TCF20: variants seen among roughly 807,000 people sequenced by gnomAD.
TCF20 encodes transcription factor 20.
TCF20 carries 3 observed loss-of-function variants against 148.6 expected under a neutral mutation model. That is an observed-to-expected ratio of 0.02 (90% confidence interval 0.01 to 0.05). The LOEUF (loss-of-function observed/expected upper bound fraction) is 0.05. TCF20 is among the 10% of genes least tolerant of loss of function. The pLI is 1.00. For synonymous variants in TCF20, 1,049 were observed against 909.5 expected (o/e 1.15, Z -2.76); for missense variants, 2,350 against 2,429.3 (o/e 0.97, Z 0.69).
chr22:42,343,519 CCGGGCAGCGGGGCCGGGCTCCGGAGCG>C (rs973276810), exon 1 of TCF20: 18 of 147,894 alleles, frequency 1.2e-4, no homozygotes, highest in African/African-American at 3.7e-4. Flanking sequence ...GCAGGAGAGC[CCGGGCAGCGGGGCCGGGCTCCGGAGCG>C]CGGGGCGCGG....
rs146680322 is a variant in TCF20, at chr22:42,213,378, C to A, written c.1928G>T (p.Gly643Val). 41 of 1,614,040 alleles carry A rather than the reference C, an allele frequency of 2.5e-5. No homozygotes were observed. The highest frequency in any genetic ancestry group is 3.3e-5 in the Non-Finnish European group (39 of 1,180,034). The change falls in exon 2 of 6, where the codon GGG becomes GTG. Residue 643 changes from glycine (G) to valine (V), a missense_variant. This residue lies in a region of TCF20 where 1,641 missense variants were observed against 1,662.6 expected (regional missense o/e 0.99). Transcript: ENST00000677622. ...TGATGCATGACTGGTTTCCTTTGCC[C>A]CACCATTGCTAGGTGGCCTTTGAGT... ...AATQRPPSNG[G>V]AKETSHASLP...
chr22:42,179,985 G>T (rs1004219232), intron 2 of TCF20, among the ~76,000 whole-genome samples: 1 of 152,084 alleles, frequency 6.6e-6, no homozygotes, highest in African/African-American at 2.4e-5. Context: ...GCCAGAGTGG[G>T]GTCCCCAGCC....
In TCF20 at chr22:42,323,903, A is replaced by ATGGAGGTTATGGTGGTGGT. The variant is rs1927790276; in HGVS notation, c.-37+19575_-37+19576insACCACCACCATAACCTCCA. On this transcript the variant is annotated intron_variant, in intron 1 of 1. Transcript: ENST00000515426. The stretch of plus-strand genomic sequence containing the variant: ...GTGGTGATGGAGGTTATGGTGGTGG[A>ATGGAGGTTATGGTGGTGGT]GGTGGTGGTGGTGATGGAGGTTATG... Among the ~76,000 whole-genome samples the ATGGAGGTTATGGTGGTGGT allele has an allele frequency of 2.7e-3, 45 of 16,864 alleles. 2 individuals carry two copies. The highest frequency in any genetic ancestry group is 8.1e-3 in the East Asian group (4 of 492). The allele number at this position is 16,864 out of a possible 152,430, so 11.1% of individuals were successfully genotyped here. A position where few individuals can be genotyped will look rare whatever the true frequency, so the allele number is the denominator to read the frequency against.
intron 1 of TCF20, among the ~76,000 whole-genome samples, chr22:42,229,907 T>G (rs1445018399): frequency 6.6e-6 from 1 of 152,222 alleles, no homozygotes; most frequent in African/African-American, 2.4e-5. Flanking sequence ...GAGCCATGTA[T>G]TGTTGAAGGC....
chr22:42,321,980 A>G (rs1927741402), intron 1 of TCF20, among the ~76,000 whole-genome samples: 1 of 151,546 alleles, frequency 6.6e-6, no homozygotes, highest in South Asian at 2.1e-4. Flanking sequence ...ATTAAAAAGT[A>G]GGGAGACTAA....
intron 5 of TCF20, 102 bp downstream of exon 5, chr22:42,168,507 A>T (rs1935923449): frequency 6.8e-7 from 1 of 1,470,524 alleles, no homozygotes; most frequent in Middle Eastern, 2.5e-4. Flanking sequence ...CATCCACAGG[A>T]TGAAATGCTG....
At chr22:42,313,601 T>C (rs113497969) in intron 1 of TCF20, among the ~76,000 whole-genome samples, 19 of 142,564 alleles carry the variant, frequency 1.3e-4, no homozygotes, top group South Asian at 2.2e-4. Context: ...TTCTTTCTTT[T>C]TTTTTTTTTT....
intron 1 of TCF20, among the ~76,000 whole-genome samples, chr22:42,228,303 G>A (rs1034225118): frequency 2.0e-5 from 3 of 152,152 alleles, no homozygotes; most frequent in Admixed American, 6.5e-5. Flanking sequence ...AATTGCTAAC[G>A]GATCAGAAGT....
chr22:42,288,105 A>G (rs1927064439), upstream of TCF20, among the ~76,000 whole-genome samples: 1 of 152,180 alleles, frequency 6.6e-6, no homozygotes, highest in Non-Finnish European at 1.5e-5. Context: ...TTAAGAGATC[A>G]GAGTGCTGGC....
At chr22:42,176,827 G>A (rs748722992) in intron 3 of TCF20, among the ~76,000 whole-genome samples, 3 of 152,144 alleles carry the variant, frequency 2.0e-5, no homozygotes, top group Non-Finnish European at 2.9e-5. Flanking sequence ...TAGAACAGAG[G>A]ATACTAGAGG....
intron 1 of TCF20, among the ~76,000 whole-genome samples, chr22:42,291,173 AAC>A (rs1467438275): frequency 6.6e-6 from 1 of 152,190 alleles, no homozygotes; most frequent in Non-Finnish European, 1.5e-5. Flanking sequence ...CTGTCCAACA[AAC>A]ACAAGCATTT....
At chr22:42,194,044 T>C (rs1260822222) in intron 2 of TCF20, among the ~76,000 whole-genome samples, 2 of 151,948 alleles carry the variant, frequency 1.3e-5, no homozygotes, top group African/African-American at 4.8e-5. Flanking sequence ...GATTTCAGAG[T>C]TCCCAAGTCA....
rs1455988282 is a variant in TCF20 at position 42,213,842 on chromosome 22, C to T, written c.1464G>A (p.Arg488=). 4.3e-6 allele frequency: 7 copies of T among 1,614,142 alleles called. No homozygotes were observed. The highest frequency in any genetic ancestry group is 1.7e-5 in the Admixed American group (1 of 60,008). The change falls in exon 2 of 6, where the codon AGG becomes AGA. Residue 488 remains arginine, a synonymous_variant. Transcript: ENST00000677622. ...ALTPQKKTSK[R]PSSSKKADSC... ...TATCTGCTTTCTTGGAAGATGAGGG[C>T]CTCTTGGAGGTCTTCTTCTGAGGAG...
upstream of TCF20, among the ~76,000 whole-genome samples, chr22:42,271,123 G>A (rs1176290745): frequency 1.3e-5 from 2 of 152,194 alleles, no homozygotes; most frequent in South Asian, 2.1e-4. Context: ...CGTGGGGGCG[G>A]CTCCTGCCCG....
At chr22:42,240,094 A>C (rs1300652881) in intron 1 of TCF20, among the ~76,000 whole-genome samples, 1 of 152,226 alleles carries the variant, frequency 6.6e-6, no homozygotes, top group Non-Finnish European at 1.5e-5. Context: ...GCAATGTTCT[A>C]AAAGCTTTAG....
intron 4 of TCF20, 24 bp from the exon 5 acceptor site, chr22:42,168,760 A>G: frequency 6.3e-7 from 1 of 1,597,974 alleles, no homozygotes; most frequent in Non-Finnish European, 8.5e-7. Flanking sequence ...AACCAAGAGG[A>G]GACAGACAGG....
At chr22:42,188,914 A>C (rs1937188702) in intron 2 of TCF20, among the ~76,000 whole-genome samples, 1 of 152,248 alleles carries the variant, frequency 6.6e-6, no homozygotes, top group Non-Finnish European at 1.5e-5. Context: ...TTCAGAGCGC[A>C]GACTTAATGC....
intron 2 of TCF20, among the ~76,000 whole-genome samples, chr22:42,192,810 G>A (rs1162614490): frequency 5.3e-5 from 8 of 152,054 alleles, no homozygotes; most frequent in African/African-American, 1.7e-4. Flanking sequence ...GAAACCTACT[G>A]GAAGGAAAAA....
At chr22:42,284,609 A>G (rs1219984665), upstream of TCF20, among the ~76,000 whole-genome samples, 2 of 152,164 alleles carry the variant, frequency 1.3e-5, no homozygotes, top group Non-Finnish European at 1.5e-5. Context: ...GGGCCACTGG[A>G]GTGAGCCCTG....
Sources: allele counts gnomAD v4.1 joint callset (sites outside exome capture counted in the v4.1 genomes callset), GRCh38; gene constraint gnomAD v4.1.1; regional missense constraint gnomAD v4.1.1; transcripts MANE v1.5; gene names NCBI Gene and HGNC (gene_info 2026-07-23, HGNC 2026-07-21).